Variants in CDK5RAP1 observed in about 807,000 individuals in gnomAD.
The protein encoded by CDK5RAP1 is CDK5RAP1 mitochondrial tRNA methylthiotransferase, also known as mitochondrial tRNA methylthiotransferase CDK5RAP1.
A neutral mutation model predicts 64.5 loss-of-function variants in CDK5RAP1; 62 were observed. That is an observed-to-expected ratio of 0.96 (90% CI 0.78 to 1.19). The LOEUF (loss-of-function observed/expected upper bound fraction) is 1.19, where lower values mean the gene tolerates loss of function less well. Among genes scored for constraint, CDK5RAP1 ranks in the 50% most tolerant of loss-of-function variants. The pLI is 0.00. For missense variants in CDK5RAP1, 657 were observed against 735.0 expected (o/e 0.89, Z 1.23); for synonymous variants, 250 against 261.9 (o/e 0.95, Z 0.44).
intron 9 of CDK5RAP1, chr20:33,373,149 C>CGTGT (rs148856565): frequency 0.027 from 3,817 of 139,974 alleles, 247 homozygotes; most frequent in Admixed American, 0.15. Context: ...CCATGTTGCC[C>CGTGT]GTGTGTGTGT....
At chr20:33,383,673 G>A (rs998521603) in intron 7 of CDK5RAP1, among the ~76,000 whole-genome samples, 25 of 150,286 alleles carry the variant, frequency 1.7e-4, no homozygotes, top group Middle Eastern at 3.4e-3. Flanking sequence ...CCCGGGAGGC[G>A]GAGGTTGTGG....
At chr20:33,399,225 A>G (rs1408446222) in intron 1 of CDK5RAP1, among the ~76,000 whole-genome samples, 1 of 151,646 alleles carries the variant, frequency 6.6e-6, no homozygotes, top group Non-Finnish European at 1.5e-5. Context: ...TTTTTACTGG[A>G]CCCCACATCT....
At position 33,359,021 on chromosome 20, in the gene CDK5RAP1, G is replaced by A. The variant is rs756427091; in HGVS notation, c.*22C>T. 7 of 1,566,352 alleles carry A rather than the reference G, an allele frequency of 4.5e-6. No homozygotes were observed. Among genetic ancestry groups the A allele is most frequent in the Non-Finnish European group, 6.2e-6 (7 of 1,136,852 alleles). On this transcript the variant is annotated 3_prime_UTR_variant, in exon 14 of 14. Coordinates refer to ENST00000346416, the MANE Select transcript of CDK5RAP1 (RefSeq NM_016408.4). The stretch of plus-strand genomic sequence containing the variant: ...CTGTTGGGGAGGATTGCCCAAGTCA[G>A]CTCTGAGGCCATCCTCTCAGGTCAG...
At chr20:33,365,685 C>T in intron 12 of CDK5RAP1, among the ~76,000 whole-genome samples, 1 of 149,340 alleles carries the variant, frequency 6.7e-6, no homozygotes. Context: ...CTGCCACACA[C>T]TAGCTGTGTA....
intron 11 of CDK5RAP1, among the ~76,000 whole-genome samples, chr20:33,370,155 A>G (rs1984739239): frequency 1.3e-5 from 2 of 152,186 alleles, no homozygotes; most frequent in East Asian, 3.9e-4. Flanking sequence ...GGTAAAATAA[A>G]TCACATCTGC....
chr20:33,367,637 T>C (rs1984232086), intron 11 of CDK5RAP1, among the ~76,000 whole-genome samples: 1 of 152,186 alleles, frequency 6.6e-6, no homozygotes, highest in South Asian at 2.1e-4. Flanking sequence ...CTAAAAAAAC[T>C]AGGCAACCTG....
intron 5 of CDK5RAP1, among the ~76,000 whole-genome samples, chr20:33,391,409 A>G (rs1988306042): frequency 6.6e-6 from 1 of 152,190 alleles, no homozygotes; most frequent in Non-Finnish European, 1.5e-5. Context: ...AATTTTATTT[A>G]ATTATAGGTA....
chr20:33,379,369 A>G (rs1986452159), intron 8 of CDK5RAP1, 92 bp downstream of exon 8: 1 of 820,802 alleles, frequency 1.2e-6, no homozygotes, highest in Non-Finnish European at 2.0e-6. Flanking sequence ...CCTAAGCAGG[A>G]CTCCAGGTCT....
At chr20:33,369,892 T>C (rs376268346) in intron 11 of CDK5RAP1, among the ~76,000 whole-genome samples, 4 of 152,154 alleles carry the variant, frequency 2.6e-5, no homozygotes, top group East Asian at 3.8e-4. Context: ...CACAAGCACA[T>C]TGCCACAAAG....
chr20:33,400,604 C>A (rs1318148247), intron 1 of CDK5RAP1, among the ~76,000 whole-genome samples: 1 of 152,146 alleles, frequency 6.6e-6, no homozygotes, highest in Non-Finnish European at 1.5e-5. Context: ...CCCACACCCC[C>A]TTTCACAGAG....
At position 33,360,371 on chromosome 20, in the gene CDK5RAP1, C is replaced by G; in HGVS notation, c.1663G>C (p.Gly555Arg). 1 of 1,614,148 alleles carries G rather than the reference C, an allele frequency of 6.2e-7. No homozygotes were observed. Among genetic ancestry groups the G allele is most frequent in the Non-Finnish European group, 8.5e-7 (1 of 1,180,002 alleles). The change falls in exon 13 of 14, where the codon GGG becomes CGG. Residue 555 changes from glycine to arginine, a missense_variant. Gly to Arg is a moderately radical substitution (Grantham distance 125). Transcript: ENST00000346416. ...NPGLRVRAQP[G>R]DYVLVKITSA... is the part of the protein sequence containing the mutation. ...CTCACCTTCACCAGCACATAGTCCC[C>G]AGGCTGGGCTCTGACCCTGAGCCCA...
intron 4 of CDK5RAP1, among the ~76,000 whole-genome samples, chr20:33,393,013 G>A (rs1414274493): frequency 6.6e-6 from 1 of 151,876 alleles, no homozygotes; most frequent in Non-Finnish European, 1.5e-5. Context: ...CTGAGTAGCT[G>A]GGATTACAGG....
At chr20:33,362,041 A>G (rs1176830169) in intron 12 of CDK5RAP1, among the ~76,000 whole-genome samples, 2 of 151,930 alleles carry the variant, frequency 1.3e-5, no homozygotes, top group Non-Finnish European at 2.9e-5. Flanking sequence ...GTGGTGGGAC[A>G]TATGTGTAAT....
chr20:33,363,467 T>C (rs2146580406), intron 12 of CDK5RAP1, among the ~76,000 whole-genome samples: 1 of 152,252 alleles, frequency 6.6e-6, no homozygotes, highest in Non-Finnish European at 1.5e-5. Flanking sequence ...AAGATACACA[T>C]TACAGTATTT....
intron 9 of CDK5RAP1, 44 bp from the exon 10 acceptor site, chr20:33,372,741 T>A: frequency 8.0e-7 from 1 of 1,252,220 alleles, no homozygotes; most frequent in Non-Finnish European, 1.2e-6. Flanking sequence ...AAATCCAACC[T>A]TTTTAAATGA....
rs1362348682 is a variant in CDK5RAP1 at position 33,385,761 on chromosome 20, C to A, written c.765G>T (p.Met255Ile). 1.2e-6 allele frequency: 2 copies of A among 1,612,008 alleles called. No homozygotes were observed. The highest frequency in any genetic ancestry group is 1.3e-5 in the African/African-American group (1 of 74,938). Residue 255 changes from methionine to isoleucine, a missense_variant, in exon 7 of 14, where the codon ATG becomes ATT. Coordinates refer to ENST00000346416, the MANE Select transcript of CDK5RAP1 (RefSeq NM_016408.4). Reference protein sequence around the residue: ...ASATSAFVSIMRGCDNMCSYC... With the variant: ...ASATSAFVSIIRGCDNMCSYC... ...AGCTACACATGTTGTCACAGCCTCG[C>A]ATGATTGACCTGGAGAAGAAAGTAC...
chr20:33,385,178 T>C (rs1734116116), intron 7 of CDK5RAP1, among the ~76,000 whole-genome samples: 1 of 152,214 alleles, frequency 6.6e-6, no homozygotes, highest in Non-Finnish European at 1.5e-5. Context: ...ATTCTGTCCC[T>C]CAACTAGTGA....
intron 8 of CDK5RAP1, among the ~76,000 whole-genome samples, chr20:33,375,228 C>T (rs1024587147): frequency 9.3e-5 from 14 of 151,018 alleles, no homozygotes; most frequent in African/African-American, 3.4e-4. Context: ...ATGGTAAAAC[C>T]CCGTCTCTAC....
rs368904466 is a variant in CDK5RAP1, at chr20:33,367,013, TAA to T, written c.1393-7_1393-6del. The T allele has an allele frequency of 6.7e-3, 9,378 of 1,403,950 alleles. No homozygotes were observed. Among genetic ancestry groups the T allele is most frequent in the South Asian group, 0.013 (975 of 77,584 alleles). 87.0% of individuals were successfully genotyped at this position (1,403,950 alleles called of 1,614,324 possible). A position where few individuals can be genotyped will look rare whatever the true frequency, so the allele number is the denominator to read the frequency against. On this transcript the variant is annotated splice_polypyrimidine_tract_variant and splice_region_variant and intron_variant, in intron 11 of 13. Coordinates refer to ENST00000346416, the MANE Select transcript of CDK5RAP1 (RefSeq NM_016408.4). ...CCTATGATATGCCCGTGTCTTCTAT[TAA>T]AAAAAAAAAAAAGAGAGAAGATGGA...
Sources: allele counts gnomAD v4.1 joint callset (sites outside exome capture counted in the v4.1 genomes callset), GRCh38; gene constraint gnomAD v4.1.1; transcripts MANE v1.5; gene names NCBI Gene and HGNC (gene_info 2026-07-23, HGNC 2026-07-21).